Variants in SKAP1 observed in about 807,000 individuals in gnomAD.
SKAP1 encodes the protein src kinase associated phosphoprotein 1, also known as src kinase-associated phosphoprotein 1.
SKAP1 carries 44 observed loss-of-function variants against 58.5 expected under a neutral mutation model. The observed-to-expected ratio is 0.75, with a 90% confidence interval of 0.59 to 0.97. SKAP1 has a LOEUF of 0.97. SKAP1 is among the 50% of genes least tolerant of loss of function. The probability of loss-of-function intolerance (pLI) is 0.00; values close to 1 mark genes in which losing one functional copy is unlikely to be tolerated. For missense variants in SKAP1, 390 were observed against 435.2 expected (o/e 0.90, Z 0.92); for synonymous variants, 127 against 149.7 (o/e 0.85, Z 1.11).
At chr17:48,148,499 C>T (rs1311286335) in intron 11 of SKAP1, among the ~76,000 whole-genome samples, 13 of 152,204 alleles carry the variant, frequency 8.5e-5, no homozygotes, top group Admixed American at 8.5e-4. Flanking sequence ...CGCAGCTCTG[C>T]ACCGCTCTGT....
chr17:48,170,577 C>T (rs768387084), intron 10 of SKAP1, 32 bp downstream of exon 10: 36 of 1,591,766 alleles, frequency 2.3e-5, no homozygotes, highest in Non-Finnish European at 3.1e-5. Context: ...TAATGTCCTA[C>T]CCAGTGCCTG....
chr17:48,378,644 C>A (rs1262082321), intron 2 of SKAP1, among the ~76,000 whole-genome samples: 2 of 152,090 alleles, frequency 1.3e-5, no homozygotes, highest in African/African-American at 4.8e-5. Flanking sequence ...CCTTCTTCTC[C>A]TAGCGGACCC....
intron 4 of SKAP1, among the ~76,000 whole-genome samples, chr17:48,228,403 C>G (rs1567829217): frequency 6.6e-6 from 1 of 152,178 alleles, no homozygotes; most frequent in Admixed American, 6.5e-5. Context: ...TGACATCTGA[C>G]CAGAGCTAAT....
chr17:48,358,641 A>G (rs2066903809), intron 3 of SKAP1, among the ~76,000 whole-genome samples: 1 of 152,196 alleles, frequency 6.6e-6, no homozygotes, highest in Non-Finnish European at 1.5e-5. Flanking sequence ...ATAATGAATG[A>G]ATGAATTTTA....
At position 48,238,314 on chromosome 17, in the gene SKAP1, A is replaced by G. The variant is rs529492816; in HGVS notation, c.281-48814T>C. ...AATCAGATGAATATGATTTTAAAAT[A>G]TTGATTTCTATCTCACCAAGCTTCT... On this transcript the variant is annotated intron_variant, in intron 4 of 12. Coordinates refer to ENST00000336915, the MANE Select transcript of SKAP1 (RefSeq NM_003726.4). Among the ~76,000 whole-genome samples, 32 of 152,222 alleles carry G rather than the reference A, an allele frequency of 2.1e-4. 2 individuals carry two copies. The South Asian group carries it at 5.4e-3, about 26-fold the overall frequency.
intron 9 of SKAP1, among the ~76,000 whole-genome samples, chr17:48,176,371 G>A (rs948539466): frequency 5.9e-5 from 9 of 152,194 alleles, no homozygotes; most frequent in Non-Finnish European, 2.9e-5. Flanking sequence ...CAGACAAAGC[G>A]AAACCTGACA....
chr17:48,173,727 T>C (rs2064249045), intron 9 of SKAP1, among the ~76,000 whole-genome samples: 1 of 152,034 alleles, frequency 6.6e-6, no homozygotes, highest in Non-Finnish European at 1.5e-5. Context: ...TTCTAATCAA[T>C]GTAAATTGGG....
chr17:48,150,939 T>C (rs2063895493), intron 11 of SKAP1, among the ~76,000 whole-genome samples: 1 of 152,154 alleles, frequency 6.6e-6, no homozygotes, highest in Non-Finnish European at 1.5e-5. Context: ...CGCAAGCCTT[T>C]CCATGACAAC....
In SKAP1 at chr17:48,190,842, G is replaced by A. The variant is rs146002215; in HGVS notation, c.281-1342C>T. Among the ~76,000 whole-genome samples the A allele has an allele frequency of 6.6e-3, 999 of 152,080 alleles. 8 individuals carry two copies. Among genetic ancestry groups the A allele is most frequent in the Middle Eastern group, 0.017 (5 of 294 alleles). On this transcript the variant is annotated intron_variant, in intron 4 of 12. Transcript: ENST00000336915. ...CTACTAAAGATACAAAAAATTAGCCGGGCATGGTGGCACACACCTGTAATC... is the reference window on the plus strand; with the variant it reads ...CTACTAAAGATACAAAAAATTAGCCAGGCATGGTGGCACACACCTGTAATC...
At chr17:48,221,458 T>A (rs1425644778) in intron 4 of SKAP1, among the ~76,000 whole-genome samples, 2 of 152,168 alleles carry the variant, frequency 1.3e-5, no homozygotes, top group Non-Finnish European at 2.9e-5. Flanking sequence ...TCTCCTTGAG[T>A]AAAGTTTGCT....
intron 1 of SKAP1, among the ~76,000 whole-genome samples, chr17:48,401,734 C>G (rs1001288810): frequency 6.6e-6 from 1 of 150,390 alleles, no homozygotes; most frequent in East Asian, 1.9e-4. Context: ...GATATGACAC[C>G]AAGAAAAAAA....
chr17:48,311,076 G>A (rs1176567360), intron 4 of SKAP1, among the ~76,000 whole-genome samples: 3 of 152,068 alleles, frequency 2.0e-5, no homozygotes, highest in Non-Finnish European at 4.4e-5. Context: ...GCACGGTCAG[G>A]TCAGACCCCG....
intron 2 of SKAP1, among the ~76,000 whole-genome samples, chr17:48,376,032 C>T (rs185660294): frequency 9.4e-4 from 143 of 152,316 alleles, no homozygotes; most frequent in Admixed American, 8.5e-3. Flanking sequence ...AAACAAGGTA[C>T]TGCTTATGTA....
At chr17:48,291,441 T>C (rs1435291793) in intron 4 of SKAP1, among the ~76,000 whole-genome samples, 1 of 152,192 alleles carries the variant, frequency 6.6e-6, no homozygotes, top group East Asian at 1.9e-4. Context: ...TCTATATTCT[T>C]AGGTTCCTAT....
chr17:48,353,094 T>G (rs1295537321), intron 3 of SKAP1, among the ~76,000 whole-genome samples: 3 of 152,206 alleles, frequency 2.0e-5, no homozygotes, highest in Non-Finnish European at 4.4e-5. Context: ...GGTCAATGAT[T>G]TGGTCAAGAA....
chr17:48,406,389 T>C (rs76591488), intron 1 of SKAP1, among the ~76,000 whole-genome samples: 4,510 of 151,744 alleles, frequency 0.03, 246 homozygotes, highest in African/African-American at 0.1. Flanking sequence ...CTTAAAAATT[T>C]AAAATTAGAA....
intron 3 of SKAP1, among the ~76,000 whole-genome samples, chr17:48,351,928 G>T (rs187325056): frequency 2.8e-4 from 43 of 152,198 alleles, no homozygotes; most frequent in African/African-American, 9.4e-4. Flanking sequence ...GAAAATGTCA[G>T]TGGGAGCTAA....
At chr17:48,172,009 G>A (rs971416805) in intron 9 of SKAP1, among the ~76,000 whole-genome samples, 3 of 152,128 alleles carry the variant, frequency 2.0e-5, no homozygotes, top group Non-Finnish European at 2.9e-5. Context: ...GCAGTGAGCC[G>A]AGATTGTGCC....
At chr17:48,288,555 G>A (rs1460154191) in intron 4 of SKAP1, among the ~76,000 whole-genome samples, 4 of 152,092 alleles carry the variant, frequency 2.6e-5, no homozygotes, top group Non-Finnish European at 4.4e-5. Flanking sequence ...GTATGGTGGC[G>A]TGCACCTGTA....
Sources: allele counts gnomAD v4.1 joint callset (sites outside exome capture counted in the v4.1 genomes callset), GRCh38; gene constraint gnomAD v4.1.1; transcripts MANE v1.5; gene names NCBI Gene and HGNC (gene_info 2026-07-23, HGNC 2026-07-21).